Variants in SMIM14 observed in about 807,000 individuals in gnomAD.
The protein encoded by SMIM14 is small integral membrane protein 14, also known as chromosome 4 open reading frame 34.
Under a neutral mutation model 12.6 loss-of-function variants are expected in SMIM14, and 5 were observed. That is an observed-to-expected ratio of 0.40 (90% CI 0.21 to 0.83). The LOEUF is 0.83. SMIM14 is among the 40% of genes least tolerant of loss of function. The pLI is 0.37. For missense variants in SMIM14, 86 were observed against 119.1 expected, an observed-to-expected ratio of 0.72 and a Z score of 1.29; for synonymous variants, 30 against 40.1, an observed-to-expected ratio of 0.75 and a Z score of 0.95.
chr4:39,567,227 T>TA (rs1712624876), intron 3 of SMIM14, among the ~76,000 whole-genome samples: 1 of 151,278 alleles, frequency 6.6e-6, no homozygotes, highest in African/African-American at 2.4e-5. Context: ...GGAGAAGATT[T>TA]AGTTATTAAA....
At position 39,599,948 on chromosome 4, in the gene SMIM14, A is replaced by G. The variant is rs547911425; in HGVS notation, c.75+5123T>C. Among the ~76,000 whole-genome samples the G allele has an allele frequency of 4.2e-3, 633 of 152,074 alleles. 4 individuals carry two copies. The highest frequency in any genetic ancestry group is 0.015 in the African/African-American group (613 of 41,488). ...AAAACAACAACAAAAAAAAAAAAAA[A>G]AAAGAAAAAGAGGGTAAAAGATAAT... On this transcript the variant is annotated intron_variant, in intron 2 of 4. Transcript: ENST00000295958.
Position 39,547,586 on chromosome 4 carries a change from C to T in SMIM14, c.*4540G>A, listed in dbSNP as rs1441610641. 1 of 152,164 alleles carries T rather than the reference C, an allele frequency of 6.6e-6. No individual in the cohort carries two copies. The highest frequency in any genetic ancestry group is 1.5e-5 in the Non-Finnish European group (1 of 68,016). 9.4% of individuals were successfully genotyped at this position (152,164 alleles called of 1,614,324 possible). A position where few individuals can be genotyped will look rare whatever the true frequency, so the allele number is the denominator to read the frequency against. On this transcript the variant is annotated 3_prime_UTR_variant, in exon 5 of 5. Coordinates refer to ENST00000295958, the MANE Select transcript of SMIM14 (RefSeq NM_174921.3). ...CTATTGCAACAACAAAAATTTAACC[C>T]ATTAAACTAGAAACTCTCTTCATTT...
At chr4:39,633,059 C>T (rs1368152853) in intron 1 of SMIM14, among the ~76,000 whole-genome samples, 2 of 151,670 alleles carry the variant, frequency 1.3e-5, no homozygotes, top group African/African-American at 4.8e-5. Flanking sequence ...TTTGGGAGGC[C>T]CAGACAGGTG....
chr4:39,570,154 CTTTTT>C (rs961186977), intron 3 of SMIM14, among the ~76,000 whole-genome samples: 2 of 151,770 alleles, frequency 1.3e-5, no homozygotes, highest in African/African-American at 4.8e-5. Flanking sequence ...GTTCATCTAT[CTTTTT>C]TTTGTTTTTT....
chr4:39,613,184 T>C (rs1170351653), intron 1 of SMIM14, among the ~76,000 whole-genome samples: 4 of 152,186 alleles, frequency 2.6e-5, no homozygotes, highest in Admixed American at 2.0e-4. Context: ...CCACCTATAT[T>C]GCTTAGCCAC....
intron 2 of SMIM14, among the ~76,000 whole-genome samples, chr4:39,603,446 C>A (rs1714690040): frequency 6.6e-6 from 1 of 151,944 alleles, no homozygotes; most frequent in Non-Finnish European, 1.5e-5. Context: ...GTAGTCCCAG[C>A]CACTTGGGAG....
intron 1 of SMIM14, among the ~76,000 whole-genome samples, chr4:39,614,133 C>T (rs186944839): frequency 7.0e-6 from 1 of 143,598 alleles, no homozygotes; most frequent in Admixed American, 7.3e-5. Flanking sequence ...TGTAGTGAGC[C>T]GAGATGGCAC....
Position 39,605,188 on chromosome 4 carries a change from G to C in SMIM14, c.-35-8C>G, listed in dbSNP as rs771870875. 7.2e-5 allele frequency: 110 copies of C among 1,524,944 alleles called. No individual in the cohort carries two copies. Among genetic ancestry groups the C allele is most frequent in the Admixed American group, 2.1e-4 (10 of 48,592 alleles). 94.5% of individuals were successfully genotyped at this position (1,524,944 alleles called of 1,614,324 possible). A position where few individuals can be genotyped will look rare whatever the true frequency, so the allele number is the denominator to read the frequency against. ...TTACTTGACTGTTTAAATCTAGGAG[G>C]AAGGAAAAAATACTGTTAAGTCTAC... On this transcript the variant is annotated splice_polypyrimidine_tract_variant and splice_region_variant and intron_variant, in intron 1 of 4. Coordinates refer to ENST00000295958, the MANE Select transcript of SMIM14 (RefSeq NM_174921.3).
intron 3 of SMIM14, among the ~76,000 whole-genome samples, chr4:39,569,587 A>G (rs1712774803): frequency 6.6e-6 from 1 of 152,102 alleles, no homozygotes; most frequent in Non-Finnish European, 1.5e-5. Context: ...ATTATTTTGG[A>G]GAAGCCAGGC....
intron 2 of SMIM14, among the ~76,000 whole-genome samples, chr4:39,600,813 G>T (rs1714581687): frequency 6.6e-6 from 1 of 152,168 alleles, no homozygotes; most frequent in East Asian, 1.9e-4. Context: ...GGACGTTGCA[G>T]TGAGCAGAGA....
At chr4:39,567,215 A>G (rs1478244651) in intron 3 of SMIM14, among the ~76,000 whole-genome samples, 2 of 151,166 alleles carry the variant, frequency 1.3e-5, no homozygotes, top group Non-Finnish European at 3.0e-5. Context: ...CATGGGAAAT[A>G]TGGAGAAGAT....
At chr4:39,590,430 G>A (rs537112063) in intron 2 of SMIM14, among the ~76,000 whole-genome samples, 1 of 151,510 alleles carries the variant, frequency 6.6e-6, no homozygotes, top group African/African-American at 2.4e-5. Flanking sequence ...AAAAAAGAAT[G>A]ATTCATGATT....
In SMIM14 at chr4:39,547,784, C is replaced by T. The variant is rs983651680; in HGVS notation, c.*4342G>A. 1.3e-5 allele frequency: 2 copies of T among 151,962 alleles called. No individual in the cohort carries two copies. Among genetic ancestry groups the T allele is most frequent in the Non-Finnish European group, 2.9e-5 (2 of 68,020 alleles). 9.4% of individuals were successfully genotyped at this position (151,962 alleles called of 1,614,324 possible). The stretch of plus-strand genomic sequence containing the variant: ...TCCCACACCACATACCACAAAAACA[C>T]TAAAAGTAGCCATAGAATAGCTGTA... On this transcript the variant is annotated 3_prime_UTR_variant, in exon 5 of 5. Transcript: ENST00000295958.
intron 1 of SMIM14, among the ~76,000 whole-genome samples, chr4:39,630,292 G>C (rs564043496): frequency 6.6e-6 from 1 of 152,268 alleles, no homozygotes; most frequent in South Asian, 2.1e-4. Flanking sequence ...AGTAGTCCCA[G>C]CTACTCAGAA....
intron 2 of SMIM14, among the ~76,000 whole-genome samples, chr4:39,583,565 G>C (rs537236442): frequency 6.6e-6 from 1 of 152,008 alleles, no homozygotes; most frequent in Non-Finnish European, 1.5e-5. Flanking sequence ...TAAAAATAAC[G>C]CAAACATGAC....
intron 2 of SMIM14, among the ~76,000 whole-genome samples, chr4:39,574,250 T>TC (rs1713048950): frequency 6.7e-6 from 1 of 149,524 alleles, no homozygotes; most frequent in Admixed American, 6.6e-5. Context: ...TTTTTTTTTT[T>TC]TTTTTTTCTT....
At chr4:39,628,306 CAAA>C (rs1212530043) in intron 1 of SMIM14, among the ~76,000 whole-genome samples, 4 of 70,272 alleles carry the variant, frequency 5.7e-5, no homozygotes, top group Non-Finnish European at 8.9e-5. Context: ...GACTCCATCA[CAAA>C]AAAAAAAAAA....
intron 3 of SMIM14, among the ~76,000 whole-genome samples, chr4:39,562,525 GTC>G (rs1321151508): frequency 6.6e-6 from 1 of 152,078 alleles, no homozygotes; most frequent in African/African-American, 2.4e-5. Flanking sequence ...GTCTCACTCT[GTC>G]TCCCAGGCTG....
chr4:39,556,523 C>T lies in SMIM14; in HGVS notation c.172G>A (p.Val58Ile), dbSNP rs1203291366. The T allele has an allele frequency of 2.4e-5, 39 of 1,613,596 alleles. No homozygotes were observed. Among genetic ancestry groups the T allele is most frequent in the African/African-American group, 4.0e-5 (3 of 74,876 alleles). ...ATCAATGCAATAACCATCCAGGCTA[C>T]CAAGATCATTGTAACACTGATGCCA... ...DNGISVTMIL[V>I]AWMVIALILF... Residue 58 changes from valine (V) to isoleucine (I), a missense_variant, in exon 4 of 5, where the codon GTA (valine) becomes ATA (isoleucine). By Grantham distance (29) the Val-to-Ile change is conservative. Transcript: ENST00000295958.
Sources: gnomAD v4.1 joint callset for allele counts (sites outside exome capture counted in the v4.1 genomes callset) on GRCh38, gnomAD v4.1.1 for gene constraint, MANE v1.5 for transcripts, NCBI Gene and HGNC (gene_info 2026-07-23, HGNC 2026-07-21) for gene names.